FRMD6: variants seen among roughly 807,000 people sequenced by gnomAD.
FRMD6 encodes FERM domain-containing protein 6.
A neutral mutation model predicts 73.2 loss-of-function variants in FRMD6; 37 were observed. That is an observed-to-expected ratio of 0.51 (90% CI 0.39 to 0.66). FRMD6 has a LOEUF of 0.66. Among genes scored for constraint, FRMD6 ranks in the 30% least tolerant of loss-of-function variants. The pLI, the probability that FRMD6 is intolerant of heterozygous loss-of-function variation, is 0.00. For synonymous variants in FRMD6, 273 were observed against 282.2 expected (o/e 0.97, Z 0.33); for missense variants, 714 against 780.5 (o/e 0.91, Z 1.02).
chr14:51,462,759 G>C, the FRMD6 span, among the ~76,000 whole-genome samples: 1 of 151,844 alleles, frequency 6.6e-6, no homozygotes, highest in Non-Finnish European at 1.5e-5. Flanking sequence ...AAAATAAAGA[G>C]AAGGGAGGAA....
rs1896743928 is a variant in FRMD6, at chr14:51,708,236, A to G, written c.714+3A>G. On this transcript the variant is annotated splice_donor_region_variant and intron_variant, in intron 7 of 13. Transcript: ENST00000344768. ...TTCATTACTACAGATTGTATAAGGT[A>G]TGAAACGGCAACTAAGTCTTCAGCT... 5.0e-6 allele frequency: 8 copies of G among 1,611,420 alleles called. No individual in the cohort carries two copies. Among genetic ancestry groups the G allele is most frequent in the East Asian group, 2.2e-5 (1 of 44,834 alleles).
intron 1 of FRMD6, among the ~76,000 whole-genome samples, chr14:51,502,831 A>T (rs1415170388): frequency 6.6e-6 from 1 of 152,240 alleles, no homozygotes; most frequent in Admixed American, 6.5e-5. Context: ...ATCTATGAGC[A>T]TGGAATGTTT....
intron 1 of FRMD6, among the ~76,000 whole-genome samples, chr14:51,543,809 T>C (rs1028624827): frequency 1.6e-4 from 24 of 152,042 alleles, no homozygotes; most frequent in Admixed American, 9.8e-4. Context: ...ATTTAATTTT[T>C]TTGAAATGTA....
intron 1 of FRMD6, among the ~76,000 whole-genome samples, chr14:51,514,960 C>T (rs2140272128): frequency 6.6e-6 from 1 of 152,282 alleles, no homozygotes; most frequent in South Asian, 2.1e-4. Context: ...GTGTTTTAAA[C>T]TTGTTTTCTC....
intron 2 of FRMD6, among the ~76,000 whole-genome samples, chr14:51,625,135 C>A (rs949393771): frequency 2.0e-5 from 3 of 152,142 alleles, no homozygotes; most frequent in African/African-American, 4.8e-5. Context: ...ATAGTATGAG[C>A]CAGAAGGGAG....
chr14:51,582,193 G>A (rs1007651702), intron 2 of FRMD6, among the ~76,000 whole-genome samples: 4 of 152,160 alleles, frequency 2.6e-5, no homozygotes, highest in African/African-American at 9.7e-5. Context: ...AGAGTCACTA[G>A]AGTTTGTTTC....
At chr14:51,613,526 G>A (rs1041097565) in intron 2 of FRMD6, among the ~76,000 whole-genome samples, 17 of 152,136 alleles carry the variant, frequency 1.1e-4, no homozygotes, top group Non-Finnish European at 7.4e-5. Flanking sequence ...CTGTGTGAGT[G>A]GTAAAGTAAT....
At chr14:51,702,443 G>T in intron 4 of FRMD6, 69 bp from the exon 5 acceptor site, 1 of 1,228,560 alleles carries the variant, frequency 8.1e-7, no homozygotes, top group East Asian at 2.3e-5. Context: ...TTGTATTTTG[G>T]TTGCTTTTGA....
rs768187700 is a variant in FRMD6, at chr14:51,727,881, G to T, written c.1721G>T (p.Gly574Val). The change falls in exon 14 of 14, where the codon GGC becomes GTC. Residue 574 changes from glycine to valine, a missense_variant. Coordinates refer to ENST00000344768, the MANE Select transcript of FRMD6 (RefSeq NM_001267046.2). Reference protein sequence around the residue: ...DTAQSYTFGCGHELDEEGLYC... With the variant: ...DTAQSYTFGCVHELDEEGLYC... ...GCTCAGAGTTACACCTTTGGATGTG[G>T]CCATGAACTGGATGAGGAAGGCCTC... is the stretch of plus-strand genomic sequence containing the variant. 1.2e-6 allele frequency: 2 copies of T among 1,614,220 alleles called. No homozygotes were observed. Among genetic ancestry groups the T allele is most frequent in the Non-Finnish European group, 1.7e-6 (2 of 1,180,036 alleles).
At chr14:51,436,425 A>G in the FRMD6 span, 4 of 505,478 alleles carry the variant, frequency 7.9e-6, no homozygotes, top group South Asian at 5.8e-5. Flanking sequence ...ATTTGATGAC[A>G]TTAAATCAAA....
intron 12 of FRMD6, 109 bp downstream of exon 12, chr14:51,722,189 TG>T: frequency 9.1e-7 from 1 of 1,101,222 alleles, no homozygotes; most frequent in Non-Finnish European, 1.3e-6. Context: ...GACCAGAGAC[TG>T]GACTGCACTA....
At chr14:51,530,916 T>C (rs2140330704) in intron 1 of FRMD6, among the ~76,000 whole-genome samples, 1 of 152,344 alleles carries the variant, frequency 6.6e-6, no homozygotes, top group African/African-American at 2.4e-5. Flanking sequence ...TGAGACTGGG[T>C]AATTTATAAT....
intron 13 of FRMD6, among the ~76,000 whole-genome samples, chr14:51,726,872 G>A (rs1315352299): frequency 6.6e-6 from 1 of 152,192 alleles, no homozygotes; most frequent in African/African-American, 2.4e-5. Flanking sequence ...AGCAAAAATT[G>A]TATCTTATTC....
intron 1 of FRMD6, among the ~76,000 whole-genome samples, chr14:51,672,964 G>A (rs1310250118): frequency 6.6e-6 from 1 of 152,134 alleles, no homozygotes; most frequent in Non-Finnish European, 1.5e-5. Context: ...ATGTAAGTAA[G>A]TTACTTGGGC....
intron 2 of FRMD6, among the ~76,000 whole-genome samples, chr14:51,608,541 C>A (rs1570123): frequency 0.76 from 115,566 of 151,752 alleles, 44,555 homozygotes; most frequent in African/African-American, 0.84. Flanking sequence ...TTCTCTCAGG[C>A]TTTTTCTTGG....
chr14:51,586,103 C>G (rs996146105), intron 2 of FRMD6, among the ~76,000 whole-genome samples: 1 of 151,322 alleles, frequency 6.6e-6, no homozygotes, highest in East Asian at 1.9e-4. Flanking sequence ...TACACCCAGT[C>G]ATGGGATTGC....
chr14:51,727,704 C>A, intron 13 of FRMD6, 41 bp from the exon 14 acceptor site: 3 of 1,549,142 alleles, frequency 1.9e-6, no homozygotes, highest in Non-Finnish European at 2.6e-6. Flanking sequence ...ATATTCTAAC[C>A]TTTCACTTTA....
the FRMD6 span, among the ~76,000 whole-genome samples, chr14:51,429,963 A>G: frequency 1.1e-4 from 17 of 152,194 alleles, no homozygotes; most frequent in Non-Finnish European, 2.9e-5. Context: ...TTATGTCTAC[A>G]TCACTAGTAA....
the FRMD6 span, among the ~76,000 whole-genome samples, chr14:51,430,735 A>G: frequency 7.9e-5 from 12 of 152,330 alleles, no homozygotes; most frequent in African/African-American, 2.9e-4. Flanking sequence ...CAAAACATGA[A>G]CTGCATGGTG....
Sources: allele counts gnomAD v4.1 joint callset (sites outside exome capture counted in the v4.1 genomes callset), GRCh38; gene constraint gnomAD v4.1.1; transcripts MANE v1.5; gene names NCBI Gene and HGNC (gene_info 2026-07-23, HGNC 2026-07-21).